The following BRINP1 variants were observed in gnomAD, a reference collection of about 807,000 sequenced individuals.
The protein encoded by BRINP1 is BMP/retinoic acid inducible neural specific 1, also known as BMP/retinoic acid-inducible neural-specific protein 1.
A neutral mutation model predicts 72.9 loss-of-function variants in BRINP1; 17 were observed. The observed-to-expected ratio is 0.23, with a 90% CI of 0.16 to 0.35. The LOEUF (loss-of-function observed/expected upper bound fraction) is 0.35. BRINP1 is among the 10% of genes least tolerant of loss of function. BRINP1 has a pLI of 1.00. For missense variants in BRINP1, 850 were observed against 1,001.6 expected, an observed-to-expected ratio of 0.85 and a Z score of 2.04; for synonymous variants, 418 against 378.5, an observed-to-expected ratio of 1.10 and a Z score of -1.21.
chr9:119,300,233 A>C (rs566826348), intron 2 of BRINP1, among the ~76,000 whole-genome samples: 2 of 152,286 alleles, frequency 1.3e-5, no homozygotes, highest in South Asian at 4.1e-4. Context: ...GAATGGCTTC[A>C]TCAAAAATAA....
At chr9:119,358,387 TAAAA>T (rs5900396) in intron 1 of BRINP1, among the ~76,000 whole-genome samples, 52 of 134,076 alleles carry the variant, frequency 3.9e-4, no homozygotes, top group South Asian at 4.9e-4. Flanking sequence ...TTATATGTAT[TAAAA>T]AAAAAAAAAA....
chr9:119,320,123 A>G (rs1831170355), intron 1 of BRINP1, among the ~76,000 whole-genome samples: 1 of 152,166 alleles, frequency 6.6e-6, no homozygotes, highest in East Asian at 1.9e-4. Flanking sequence ...GATGGGGAAA[A>G]GGAAATTTCA....
intron 5 of BRINP1, among the ~76,000 whole-genome samples, chr9:119,216,567 A>G (rs1370485088): frequency 6.6e-6 from 1 of 152,132 alleles, no homozygotes; most frequent in Non-Finnish European, 1.5e-5. Context: ...CATTTTATCT[A>G]TATCACCATT....
At chr9:119,236,902 T>C (rs1830197181) in intron 5 of BRINP1, among the ~76,000 whole-genome samples, 1 of 152,200 alleles carries the variant, frequency 6.6e-6, no homozygotes, top group Non-Finnish European at 1.5e-5. Flanking sequence ...GTTTTGTTAT[T>C]TAATAGTAAA....
intron 2 of BRINP1, among the ~76,000 whole-genome samples, chr9:119,249,836 AAGGAAGGAAGGAAGGAAGGGAGGG>A (rs1830359832): frequency 3.0e-5 from 2 of 67,370 alleles, no homozygotes; most frequent in East Asian, 5.0e-4. Context: ...GGAAGGAAGG[AAGGAAGGAAGGAAGGAAGGGAGGG>A]AGGGAGGGAG....
chr9:119,313,267 G>A lies in BRINP1; in HGVS notation c.89C>T (p.Thr30Ile). 6.2e-7 allele frequency: 1 copy of A among 1,614,148 alleles called. No homozygotes were observed. Among genetic ancestry groups the A allele is most frequent in the Non-Finnish European group, 8.5e-7 (1 of 1,180,026 alleles). The change falls in exon 2 of 8, where the codon ACA becomes ATA. Residue 30 changes from threonine (T) to isoleucine (I), a missense_variant. Physicochemically the swap from Thr to Ile is moderately conservative, Grantham distance 89. Coordinates refer to ENST00000265922, the MANE Select transcript of BRINP1 (RefSeq NM_014618.3). ...VQPSHQEPAG[T>I]DQHVSKEFDW... ...AAATTCCTTGGAGACATGTTGGTCT[G>A]TCCCAGCTGGTTCCTGGTGGGAGGG...
Position 119,214,009 on chromosome 9 carries a change from A to T in BRINP1, c.832T>A (p.Cys278Ser). 6.2e-7 allele frequency: 1 copy of T among 1,614,170 alleles called. No homozygotes were observed. The highest frequency in any genetic ancestry group is 8.5e-7 in the Non-Finnish European group (1 of 1,180,024). The change falls in exon 6 of 8, where the codon TGC (cysteine) becomes AGC (serine). Residue 278 changes from cysteine (C) to serine (S), a missense_variant. By Grantham distance (112) the Cys-to-Ser change is moderately radical (BLOSUM62 -1). Coordinates refer to ENST00000265922, the MANE Select transcript of BRINP1 (RefSeq NM_014618.3). The part of the protein sequence containing the change: ...QCAEEFPQCN[C>S]PITDIQIMEY... ...ATGATCTGGATGTCCGTGATGGGGCAGTTGCACTGCGGAAACTCCTCGGCA... is the reference window on the plus strand; with the variant it reads ...ATGATCTGGATGTCCGTGATGGGGCTGTTGCACTGCGGAAACTCCTCGGCA...
At chr9:119,315,601 C>T (rs948819768) in intron 1 of BRINP1, among the ~76,000 whole-genome samples, 2 of 151,924 alleles carry the variant, frequency 1.3e-5, no homozygotes, top group African/African-American at 4.8e-5. Flanking sequence ...AAGGAGGAGT[C>T]CTACATCTCT....
intron 1 of BRINP1, among the ~76,000 whole-genome samples, chr9:119,333,025 T>G (rs1831314856): frequency 6.6e-6 from 1 of 152,108 alleles, no homozygotes; most frequent in Non-Finnish European, 1.5e-5. Context: ...GAGCCAAAGT[T>G]GGGATTTGAT....
Position 119,251,428 on chromosome 9 carries a change from T to G in BRINP1, c.219-2278A>C, listed in dbSNP as rs954136322. Among the ~76,000 whole-genome samples, 5 of 152,184 alleles carry G rather than the reference T, an allele frequency of 3.3e-5. 1 individual carries two copies. Among genetic ancestry groups the G allele is most frequent in the Middle Eastern group, 3.4e-3 (1 of 294 alleles). The stretch of plus-strand genomic sequence containing the variant: ...CTATAGTTTTTAAGTTTGCATGGAA[T>G]TTAGATCAACGAAGTGTGGTTAAAA... On this transcript the variant is annotated intron_variant, in intron 2 of 7. Coordinates refer to ENST00000265922, the MANE Select transcript of BRINP1 (RefSeq NM_014618.3).
chr9:119,365,582 C>A (rs1389458785), intron 1 of BRINP1, among the ~76,000 whole-genome samples: 1 of 152,160 alleles, frequency 6.6e-6, no homozygotes, highest in African/African-American at 2.4e-5. Context: ...TGTCTCCTTG[C>A]ACAACTGAAG....
rs557527622 is a variant in BRINP1, at chr9:119,209,428, C to T, written c.923-487G>A. On this transcript the variant is annotated intron_variant, in intron 6 of 7. Transcript: ENST00000265922. The stretch of plus-strand genomic sequence containing the variant: ...ACTAAAAATATAAAAATTAACCAGG[C>T]GTGGTGGCAGGTGCCTGTAATCCCA... Among the ~76,000 whole-genome samples the T allele has an allele frequency of 4.6e-5, 7 of 151,804 alleles. No homozygotes were observed. In the East Asian group the frequency reaches 5.8e-4, roughly 13 times the overall value.
At chr9:119,367,979 C>T (rs1447306040) in intron 1 of BRINP1, among the ~76,000 whole-genome samples, 1 of 152,196 alleles carries the variant, frequency 6.6e-6, no homozygotes, top group African/African-American at 2.4e-5. Flanking sequence ...GAAAGAAAGA[C>T]GAATCTGTCT....
chr9:119,356,710 C>T (rs1472941097), intron 1 of BRINP1, among the ~76,000 whole-genome samples: 1 of 150,610 alleles, frequency 6.6e-6, no homozygotes, highest in Middle Eastern at 3.4e-3. Flanking sequence ...GAGGCTGAGG[C>T]AATAGAATCG....
chr9:119,312,192 C>T (rs561084737), intron 2 of BRINP1, among the ~76,000 whole-genome samples: 3 of 152,310 alleles, frequency 2.0e-5, no homozygotes, highest in East Asian at 1.9e-4. Flanking sequence ...GCATTACAGA[C>T]ACCACCATGT....
chr9:119,276,310 T>G (rs1830657931), intron 2 of BRINP1, among the ~76,000 whole-genome samples: 1 of 152,220 alleles, frequency 6.6e-6, no homozygotes, highest in Non-Finnish European at 1.5e-5. Context: ...GTTTAAATCA[T>G]AGGTAATTGC....
intron 2 of BRINP1, among the ~76,000 whole-genome samples, chr9:119,249,869 AGG>A: frequency 4.4e-5 from 2 of 45,244 alleles, no homozygotes; most frequent in African/African-American, 2.3e-4. Context: ...GGAGGGAGGG[AGG>A]GAGGGAAGGG....
intron 1 of BRINP1, among the ~76,000 whole-genome samples, chr9:119,354,695 TAA>T (rs11320964): frequency 1.2e-4 from 18 of 147,904 alleles, no homozygotes; most frequent in Admixed American, 1.4e-4. Flanking sequence ...ACCCCGTCTC[TAA>T]AAAAAAAAAA....
chr9:119,168,237 G>A lies in BRINP1; in HGVS notation c.1146-13C>T, dbSNP rs1829345193. ...CTGCTGAATTGTCCTGGGAGATAAA[G>A]GAAAATTGGAGAAGGTTAGCTACCA... On this transcript the variant is annotated splice_polypyrimidine_tract_variant and intron_variant, in intron 7 of 7. Transcript: ENST00000265922. 4 of 1,489,624 alleles carry A rather than the reference G, an allele frequency of 2.7e-6. No homozygotes were observed. The highest frequency in any genetic ancestry group is 1.4e-5 in the African/African-American group (1 of 71,390). 92.3% of individuals were successfully genotyped at this position (1,489,624 alleles called of 1,614,324 possible).
Sources: gnomAD v4.1 joint callset for allele counts (sites outside exome capture counted in the v4.1 genomes callset) on GRCh38, gnomAD v4.1.1 for gene constraint, MANE v1.5 for transcripts, NCBI Gene and HGNC (gene_info 2026-07-23, HGNC 2026-07-21) for gene names.